KSR2: variants seen among roughly 807,000 people sequenced by gnomAD.
KSR2 encodes kinase suppressor of ras 2.
KSR2 carries 25 observed loss-of-function variants against 107.8 expected under a neutral mutation model. That is an observed-to-expected ratio of 0.23 (90% CI 0.17 to 0.32). The LOEUF (loss-of-function observed/expected upper bound fraction) is 0.32, where lower values mean the gene tolerates loss of function less well. Among genes scored for constraint, KSR2 ranks in the 10% least tolerant of loss-of-function variants. The probability of loss-of-function intolerance (pLI) is 1.00; values close to 1 mark genes in which losing one functional copy is unlikely to be tolerated. For synonymous variants in KSR2, 480 were observed against 507.0 expected, an observed-to-expected ratio of 0.95 and a Z score of 0.71; for missense variants, 887 against 1,268.9, an observed-to-expected ratio of 0.70 and a Z score of 4.57.
chr12:117,860,072 AGCTGGAG>A (rs1218664055), intron 2 of KSR2, among the ~76,000 whole-genome samples: 1 of 152,232 alleles, frequency 6.6e-6, no homozygotes, highest in East Asian at 1.9e-4. Context: ...TATGTGGCAG[AGCTGGAG>A]GGTTCTAACT....
At chr12:117,869,935 G>A (rs1374838248) in intron 1 of KSR2, among the ~76,000 whole-genome samples, 2 of 152,240 alleles carry the variant, frequency 1.3e-5, no homozygotes, top group African/African-American at 4.8e-5. Context: ...TGCTAGCTGT[G>A]AGGCTGGTAC....
At chr12:117,484,621 A>G (rs1872355142) in intron 15 of KSR2, 72 bp from the exon 16 acceptor site, 3 of 1,513,772 alleles carry the variant, frequency 2.0e-6, no homozygotes, top group Non-Finnish European at 2.7e-6. Flanking sequence ...GCTTGAGTTC[A>G]CATTCCTTGT....
intron 5 of KSR2, among the ~76,000 whole-genome samples, chr12:117,598,335 G>C (rs543412855): frequency 3.9e-4 from 60 of 152,296 alleles, no homozygotes; most frequent in Middle Eastern, 6.8e-3. Flanking sequence ...TGGCTGAGTA[G>C]TATTCCATGG....
intron 3 of KSR2, among the ~76,000 whole-genome samples, chr12:117,780,719 A>T (rs142294077): frequency 0.011 from 1,647 of 152,326 alleles, 38 homozygotes; most frequent in African/African-American, 0.037. Context: ...TACAATAAAA[A>T]ATTAATGTTG....
chr12:117,886,091 G>A (rs1325767455), intron 1 of KSR2, among the ~76,000 whole-genome samples: 2 of 144,684 alleles, frequency 1.4e-5, no homozygotes, highest in African/African-American at 2.6e-5. Flanking sequence ...CTGAGACTCC[G>A]TCTCAAAAAA....
At chr12:117,906,365 A>C (rs996555049) in intron 1 of KSR2, among the ~76,000 whole-genome samples, 5 of 150,808 alleles carry the variant, frequency 3.3e-5, no homozygotes, top group African/African-American at 1.2e-4. Context: ...AAAAAAAAAA[A>C]AAAAAAAAAA....
Position 117,519,903 on chromosome 12 carries a change from A to C in KSR2, c.2219+4949T>G, listed in dbSNP as rs567481815. Among the ~76,000 whole-genome samples the C allele has an allele frequency of 2.6e-5, 4 of 152,288 alleles. No homozygotes were observed. In the South Asian group the frequency reaches 8.3e-4, roughly 32 times the overall value. Reference sequence around the variant, plus strand: ...GGCTACAAAAATGAAACTCAGTTCTAATAGGCCAGTGGTTCTTAAACTGTG... The same window carrying C: ...GGCTACAAAAATGAAACTCAGTTCTCATAGGCCAGTGGTTCTTAAACTGTG... On this transcript the variant is annotated intron_variant, in intron 14 of 19. Coordinates refer to ENST00000339824, the MANE Select transcript of KSR2 (RefSeq NM_173598.6).
rs1052548403 is a variant in KSR2 at position 117,902,808 on chromosome 12, T to C, written c.181-42377A>G. ...TCTTTCTCCAAAAGTGCAAACATTT[T>C]ATTTATGAATTCACCGGAAACATAT... is the stretch of plus-strand genomic sequence containing the variant. On this transcript the variant is annotated intron_variant, in intron 1 of 19. Transcript: ENST00000339824. 2.0e-5 allele frequency among the ~76,000 whole-genome samples: 3 copies of C among 152,364 alleles called. No homozygotes were observed. The East Asian group carries it at 5.8e-4, about 29-fold the overall frequency.
At chr12:117,791,331 A>G (rs1442552319) in intron 3 of KSR2, among the ~76,000 whole-genome samples, 1 of 152,172 alleles carries the variant, frequency 6.6e-6, no homozygotes, top group Non-Finnish European at 1.5e-5. Flanking sequence ...ACTCCCGATT[A>G]TATCAAAGAT....
chr12:117,584,415 G>A (rs1309457192), intron 5 of KSR2, among the ~76,000 whole-genome samples: 3 of 152,126 alleles, frequency 2.0e-5, no homozygotes, highest in Non-Finnish European at 4.4e-5. Context: ...GGAGGATGGC[G>A]CTGGAGAGGA....
intron 4 of KSR2, among the ~76,000 whole-genome samples, chr12:117,693,775 AC>A (rs2136584356): frequency 1.3e-5 from 2 of 152,242 alleles, no homozygotes; most frequent in Admixed American, 1.3e-4. Flanking sequence ...AGCGGGTCCT[AC>A]CGTCATCCCC....
At chr12:117,639,293 A>T (rs1883248845) in intron 5 of KSR2, among the ~76,000 whole-genome samples, 2 of 151,726 alleles carry the variant, frequency 1.3e-5, no homozygotes, top group Admixed American at 1.3e-4. Flanking sequence ...ATATGTGTGT[A>T]TGTAGACACA....
At chr12:117,837,782 A>G (rs1265855334) in intron 3 of KSR2, among the ~76,000 whole-genome samples, 1 of 152,236 alleles carries the variant, frequency 6.6e-6, no homozygotes, top group Non-Finnish European at 1.5e-5. Context: ...TGATCAGATG[A>G]TGAAGCTAAA....
chr12:117,640,638 G>T (rs913173599), intron 5 of KSR2, among the ~76,000 whole-genome samples: 1 of 152,176 alleles, frequency 6.6e-6, no homozygotes, highest in Non-Finnish European at 1.5e-5. Flanking sequence ...TCATGCACTT[G>T]AGGTTGGGCA....
At chr12:117,692,117 G>C (rs1847664718) in intron 4 of KSR2, among the ~76,000 whole-genome samples, 1 of 152,102 alleles carries the variant, frequency 6.6e-6, no homozygotes, top group South Asian at 2.1e-4. Context: ...GGAACAGAAA[G>C]ACAATCCAGT....
chr12:117,708,858 A>G (rs1321921089), intron 4 of KSR2, among the ~76,000 whole-genome samples: 1 of 152,146 alleles, frequency 6.6e-6, no homozygotes, highest in Non-Finnish European at 1.5e-5. Flanking sequence ...AAATCACCAC[A>G]ACAGTAAACG....
intron 1 of KSR2, among the ~76,000 whole-genome samples, chr12:117,890,333 T>G (rs1894301211): frequency 6.6e-6 from 1 of 152,194 alleles, no homozygotes; most frequent in African/African-American, 2.4e-5. Context: ...CTCCAGCCTC[T>G]AGGGGTGTCC....
At chr12:117,570,822 G>A (rs1878841448) in intron 7 of KSR2, among the ~76,000 whole-genome samples, 1 of 152,182 alleles carries the variant, frequency 6.6e-6, no homozygotes, top group African/African-American at 2.4e-5. Context: ...GCGAGGGAGT[G>A]GCAGGGCCAG....
intron 1 of KSR2, among the ~76,000 whole-genome samples, chr12:117,893,900 C>A (rs1223752886): frequency 6.9e-6 from 1 of 143,910 alleles, no homozygotes; most frequent in Admixed American, 7.1e-5. Flanking sequence ...CCACAAAGAA[C>A]AAAATTCTTT....
Sources: gnomAD v4.1 joint callset for allele counts (sites outside exome capture counted in the v4.1 genomes callset) on GRCh38, gnomAD v4.1.1 for gene constraint, MANE v1.5 for transcripts, NCBI Gene and HGNC (gene_info 2026-07-23, HGNC 2026-07-21) for gene names.